The following CDK19 variants were observed in gnomAD, a reference collection of about 807,000 sequenced individuals.
The protein encoded by CDK19 is cyclin-dependent kinase 19.
CDK19 carries 20 observed loss-of-function variants against 68.3 expected under a neutral mutation model. The observed-to-expected ratio is 0.29, with a 90% CI of 0.21 to 0.43. The LOEUF is 0.43. Ranked by LOEUF, CDK19 falls within the 20% of genes least tolerant of loss-of-function variation. The pLI is 1.00. For synonymous variants in CDK19, 221 were observed against 222.8 expected (o/e 0.99, Z 0.07); for missense variants, 339 against 623.5 (o/e 0.54, Z 4.86).
At chr6:110,814,918 C>A in intron 1 of CDK19, 91 bp downstream of exon 1, 1 of 1,550,046 alleles carries the variant, frequency 6.5e-7, no homozygotes, top group Non-Finnish European at 8.8e-7. Context: ...CCCTCGGGCA[C>A]GGCCCGACTG....
chr6:110,769,578 A>T (rs980641619), intron 1 of CDK19, among the ~76,000 whole-genome samples: 3 of 141,390 alleles, frequency 2.1e-5, no homozygotes, highest in African/African-American at 8.2e-5. Context: ...AAAAAAAAAA[A>T]ATAATAATAA....
rs1239694420 is a variant in CDK19 at position 110,617,042 on chromosome 6, C to T, written c.1378-2376G>A. ...AACTGTTGGGGCACAGAAAACAATA[C>T]CCCAAAATGAAGGCCTCAGGAGCAA... On this transcript the variant is annotated intron_variant, in intron 12 of 12. Coordinates refer to ENST00000368911, the MANE Select transcript of CDK19 (RefSeq NM_015076.5). Among the ~76,000 whole-genome samples, 4 of 152,076 alleles carry T rather than the reference C, an allele frequency of 2.6e-5. No individual in the cohort carries two copies. In the South Asian group the frequency reaches 6.2e-4, roughly 24 times the overall value.
At chr6:110,635,461 T>A (rs1288739911) in intron 5 of CDK19, among the ~76,000 whole-genome samples, 1 of 152,170 alleles carries the variant, frequency 6.6e-6, no homozygotes, top group African/African-American at 2.4e-5. Flanking sequence ...AGTTTTTAGG[T>A]TGCTGAGAAT....
At chr6:110,725,235 T>C (rs1021210162) in intron 2 of CDK19, among the ~76,000 whole-genome samples, 4 of 151,958 alleles carry the variant, frequency 2.6e-5, no homozygotes, top group African/African-American at 4.8e-5. Flanking sequence ...AACTAGAATA[T>C]GGAATAGATA....
At chr6:110,690,746 A>T (rs1477077027) in intron 2 of CDK19, among the ~76,000 whole-genome samples, 9 of 152,096 alleles carry the variant, frequency 5.9e-5, no homozygotes, top group African/African-American at 2.2e-4. Flanking sequence ...GTCATCAAAG[A>T]CTCTCTATAA....
chr6:110,754,720 T>G (rs1193687778), intron 1 of CDK19, among the ~76,000 whole-genome samples: 2 of 152,178 alleles, frequency 1.3e-5, no homozygotes, highest in Admixed American at 1.3e-4. Flanking sequence ...GACCTCGTGA[T>G]GCACCCGCCT....
At chr6:110,671,404 T>C (rs1000306037) in intron 2 of CDK19, among the ~76,000 whole-genome samples, 9 of 152,216 alleles carry the variant, frequency 5.9e-5, no homozygotes, top group African/African-American at 1.9e-4. Flanking sequence ...TTCAATTTAA[T>C]AAATATTTTG....
intron 2 of CDK19, among the ~76,000 whole-genome samples, chr6:110,693,392 T>C (rs1410203870): frequency 2.0e-5 from 3 of 152,168 alleles, no homozygotes; most frequent in Non-Finnish European, 4.4e-5. Flanking sequence ...AAGCAAAATA[T>C]AAAAGTAGAA....
At chr6:110,749,556 C>T (rs551118849) in intron 1 of CDK19, among the ~76,000 whole-genome samples, 4 of 151,998 alleles carry the variant, frequency 2.6e-5, no homozygotes, top group Non-Finnish European at 5.9e-5. Flanking sequence ...GATGGGGTTT[C>T]GCCATATTGG....
intron 1 of CDK19, among the ~76,000 whole-genome samples, chr6:110,772,585 T>C (rs1780096570): frequency 6.6e-6 from 1 of 152,218 alleles, no homozygotes; most frequent in Admixed American, 6.5e-5. Flanking sequence ...ACTAGTCACA[T>C]TACTAACTTT....
chr6:110,788,454 A>G (rs918194578), intron 1 of CDK19, among the ~76,000 whole-genome samples: 2 of 152,108 alleles, frequency 1.3e-5, no homozygotes, highest in African/African-American at 4.8e-5. Context: ...CACCACATCC[A>G]GCCTATCCTG....
At chr6:110,702,352 G>A (rs1255024077) in intron 2 of CDK19, among the ~76,000 whole-genome samples, 1 of 152,110 alleles carries the variant, frequency 6.6e-6, no homozygotes. Flanking sequence ...AGGAGGCTGA[G>A]GCTGGACAAC....
At chr6:110,766,710 G>T (rs1445527001) in intron 1 of CDK19, among the ~76,000 whole-genome samples, 2 of 152,082 alleles carry the variant, frequency 1.3e-5, no homozygotes, top group African/African-American at 2.4e-5. Context: ...AGTACAAAAA[G>T]TTGATCCTAC....
At chr6:110,626,294 T>TA (rs1779083317) in intron 8 of CDK19, among the ~76,000 whole-genome samples, 2 of 152,248 alleles carry the variant, frequency 1.3e-5, no homozygotes, top group South Asian at 4.1e-4. Flanking sequence ...ATTAATATGC[T>TA]AAAATCTCAG....
chr6:110,635,146 G>T (rs933927662), intron 5 of CDK19, among the ~76,000 whole-genome samples: 5 of 152,124 alleles, frequency 3.3e-5, no homozygotes, highest in African/African-American at 1.2e-4. Context: ...CAAATGAAAA[G>T]CAGCAACAAA....
chr6:110,675,323 G>C (rs537844801), intron 2 of CDK19, among the ~76,000 whole-genome samples: 124 of 152,158 alleles, frequency 8.1e-4, no homozygotes, highest in African/African-American at 2.9e-3. Context: ...AAAATCCTAG[G>C]ACCCTTAAGA....
intron 5 of CDK19, among the ~76,000 whole-genome samples, chr6:110,638,057 A>AT (rs71553303): frequency 2.4e-4 from 36 of 149,616 alleles, no homozygotes; most frequent in East Asian, 5.8e-4. Flanking sequence ...AATGATGCTG[A>AT]TTTTTTTTTT....
chr6:110,788,267 A>G (rs1583104080), intron 1 of CDK19, among the ~76,000 whole-genome samples: 1 of 151,464 alleles, frequency 6.6e-6, no homozygotes, highest in South Asian at 2.1e-4. Context: ...GGATCAAGTG[A>G]CCCTCCTGCC....
chr6:110,780,331 A>G (rs1045232306), intron 1 of CDK19, among the ~76,000 whole-genome samples: 5 of 150,086 alleles, frequency 3.3e-5, no homozygotes, highest in African/African-American at 1.2e-4. Flanking sequence ...CAGAGGTTGC[A>G]GTGAGCCAAG....
Sources: gnomAD v4.1 joint callset for allele counts (sites outside exome capture counted in the v4.1 genomes callset) on GRCh38, gnomAD v4.1.1 for gene constraint, MANE v1.5 for transcripts, NCBI Gene and HGNC (gene_info 2026-07-23, HGNC 2026-07-21) for gene names.